SAMD4A: variants seen among roughly 807,000 people sequenced by gnomAD.
SAMD4A encodes the protein sterile alpha motif domain containing 4A.
SAMD4A carries 33 observed loss-of-function variants against 81.3 expected under a neutral mutation model. That is an observed-to-expected ratio of 0.41 (90% CI 0.31 to 0.54). The LOEUF (loss-of-function observed/expected upper bound fraction) is 0.54. Ranked by LOEUF, SAMD4A falls within the 20% of genes least tolerant of loss-of-function variation. The pLI, the probability that SAMD4A is intolerant of heterozygous loss-of-function variation, is 0.37. For missense variants in SAMD4A, 854 were observed against 951.1 expected, an observed-to-expected ratio of 0.90 and a Z score of 1.34; for synonymous variants, 389 against 382.1, an observed-to-expected ratio of 1.02 and a Z score of -0.21.
At chr14:54,649,922 C>T (rs1015655840) in intron 2 of SAMD4A, among the ~76,000 whole-genome samples, 24 of 151,956 alleles carry the variant, frequency 1.6e-4, no homozygotes, top group African/African-American at 5.6e-4. Context: ...GTTTATTTGG[C>T]ATTTGTTCTT....
intron 2 of SAMD4A, among the ~76,000 whole-genome samples, chr14:54,685,482 A>T (rs565974420): frequency 1.7e-4 from 26 of 152,292 alleles, no homozygotes; most frequent in African/African-American, 5.3e-4. Flanking sequence ...TATATTCCGC[A>T]TGTTGTTTAC....
intron 2 of SAMD4A, among the ~76,000 whole-genome samples, chr14:54,625,522 A>G (rs1175987102): frequency 6.6e-6 from 1 of 152,242 alleles, no homozygotes; most frequent in South Asian, 2.1e-4. Context: ...TTGTGAACCC[A>G]GGTGGGGCTT....
intron 3 of SAMD4A, among the ~76,000 whole-genome samples, chr14:54,720,358 TAAG>T (rs1049571976): frequency 6.6e-6 from 1 of 152,216 alleles, no homozygotes; most frequent in Non-Finnish European, 1.5e-5. Flanking sequence ...CTGTCTCAAA[TAAG>T]AAGCATTCCT....
intron 4 of SAMD4A, among the ~76,000 whole-genome samples, chr14:54,740,505 T>C (rs985740430): frequency 6.6e-6 from 1 of 152,250 alleles, no homozygotes; most frequent in African/African-American, 2.4e-5. Context: ...AGTTGAACTT[T>C]ATTTAGTGTG....
chr14:54,579,157 T>C (rs2033393513), intron 2 of SAMD4A, among the ~76,000 whole-genome samples: 1 of 152,234 alleles, frequency 6.6e-6, no homozygotes, highest in Non-Finnish European at 1.5e-5. Flanking sequence ...ACACAAACAC[T>C]ATCTCCTGTT....
In SAMD4A at chr14:54,737,112, T is replaced by G; in HGVS notation, c.804T>G (p.His268Gln). ...PMNVPNQPLG[H>Q]GWMSHEDLRA... ...ATGTGCCAAACCAGCCTCTAGGACA[T>G]GGATGGATGTCTCATGAGGACTTAC... The change falls in exon 4 of 13, where the codon CAT (histidine) becomes CAG (glutamine). Residue 268 changes from histidine to glutamine, a missense_variant. By Grantham distance (24) the His-to-Gln change is conservative. This residue lies in a region of SAMD4A where 387 missense variants were observed against 405.8 expected (regional missense o/e 0.95). Coordinates refer to ENST00000554335, the MANE Select transcript of SAMD4A (RefSeq NM_015589.6). 1.2e-6 allele frequency: 2 copies of G among 1,614,072 alleles called. No homozygotes were observed. Among genetic ancestry groups the G allele is most frequent in the Non-Finnish European group, 1.7e-6 (2 of 1,179,978 alleles).
At chr14:54,642,676 C>T (rs2035200250) in intron 2 of SAMD4A, among the ~76,000 whole-genome samples, 2 of 152,066 alleles carry the variant, frequency 1.3e-5, no homozygotes, top group African/African-American at 2.4e-5. Context: ...TGAAAGATCC[C>T]GTTGAGTGGA....
chr14:54,740,766 G>C (rs1480269972), intron 4 of SAMD4A, among the ~76,000 whole-genome samples: 1 of 152,196 alleles, frequency 6.6e-6, no homozygotes, highest in Non-Finnish European at 1.5e-5. Flanking sequence ...CTGTCACTAA[G>C]TTCTCTCCCA....
intron 2 of SAMD4A, among the ~76,000 whole-genome samples, chr14:54,591,704 C>T (rs2033780945): frequency 6.6e-6 from 1 of 152,140 alleles, no homozygotes; most frequent in African/African-American, 2.4e-5. Context: ...TCTACAGCTC[C>T]TGTGCCTGGA....
chr14:54,569,402 G>C (rs1420204004), intron 2 of SAMD4A, among the ~76,000 whole-genome samples: 2 of 152,196 alleles, frequency 1.3e-5, no homozygotes, highest in African/African-American at 4.8e-5. Flanking sequence ...AATCTTCACA[G>C]TTCTTTTCCT....
intron 2 of SAMD4A, among the ~76,000 whole-genome samples, chr14:54,648,545 A>G (rs1274506757): frequency 6.6e-6 from 1 of 152,248 alleles, no homozygotes; most frequent in East Asian, 1.9e-4. Context: ...GATCAATTTA[A>G]TGTTTGCAGA....
chr14:54,778,318 A>G (rs2038912948), intron 11 of SAMD4A, among the ~76,000 whole-genome samples: 1 of 152,118 alleles, frequency 6.6e-6, no homozygotes, highest in South Asian at 2.1e-4. Flanking sequence ...GGGTTTGTTG[A>G]TAGAATCTTC....
At chr14:54,716,248 A>G (rs2140835534) in intron 3 of SAMD4A, among the ~76,000 whole-genome samples, 1 of 152,290 alleles carries the variant, frequency 6.6e-6, no homozygotes, top group East Asian at 1.9e-4. Flanking sequence ...CTTTTGCTAT[A>G]CCCAAGTCAA....
At chr14:54,734,520 C>G (rs2037642167) in intron 3 of SAMD4A, among the ~76,000 whole-genome samples, 1 of 152,196 alleles carries the variant, frequency 6.6e-6, no homozygotes, top group African/African-American at 2.4e-5. Context: ...TGTCATATCC[C>G]TTATGACTTC....
intron 2 of SAMD4A, among the ~76,000 whole-genome samples, chr14:54,664,386 A>G (rs2035710669): frequency 6.6e-6 from 1 of 152,210 alleles, no homozygotes; most frequent in Non-Finnish European, 1.5e-5. Flanking sequence ...GCTGCGTTGT[A>G]TAAAGTATAC....
At chr14:54,665,090 C>T (rs1179790341) in intron 2 of SAMD4A, among the ~76,000 whole-genome samples, 1 of 151,920 alleles carries the variant, frequency 6.6e-6, no homozygotes, top group Non-Finnish European at 1.5e-5. Context: ...CAAACAACTG[C>T]AGGAAAAAAT....
chr14:54,714,839 T>A (rs1278177527), intron 3 of SAMD4A, among the ~76,000 whole-genome samples: 1 of 152,062 alleles, frequency 6.6e-6, no homozygotes, highest in Non-Finnish European at 1.5e-5. Flanking sequence ...GACAAAGCTA[T>A]CCCATTATGC....
chr14:54,785,829 G>C (rs188494009), intron 12 of SAMD4A, among the ~76,000 whole-genome samples: 1 of 152,208 alleles, frequency 6.6e-6, no homozygotes, highest in Non-Finnish European at 1.5e-5. Context: ...TTAGCATCAG[G>C]GGGAGCTGAA....
rs74799071 is a variant in SAMD4A, at chr14:54,751,336, C to T, written c.1090-115C>T. On this transcript the variant is annotated intron_variant, in intron 5 of 12. Coordinates refer to ENST00000554335, the MANE Select transcript of SAMD4A (RefSeq NM_015589.6). ...CAAGAGATAAGTGGATATTGATCAG[C>T]CCGTGAACATATAGGAGCAAAGAAG... 5.5e-3 allele frequency: 3,666 copies of T among 660,810 alleles called. 87 individuals are homozygous for T. In the African/African-American group the frequency reaches 0.057, roughly 10 times the overall value. 40.9% of individuals were successfully genotyped at this position (660,810 alleles called of 1,614,324 possible). A position where few individuals can be genotyped will look rare whatever the true frequency, so the allele number is the denominator to read the frequency against.
Sources: gnomAD v4.1 joint callset for allele counts (sites outside exome capture counted in the v4.1 genomes callset) on GRCh38, gnomAD v4.1.1 for gene constraint, gnomAD v4.1.1 regional missense constraint, MANE v1.5 for transcripts, NCBI Gene and HGNC (gene_info 2026-07-23, HGNC 2026-07-21) for gene names.